Variants in SHB observed in about 807,000 individuals in gnomAD.
SHB encodes SH2 domain containing adaptor protein B.
Under a neutral mutation model 52.3 loss-of-function variants are expected in SHB, and 20 were observed. The ratio of observed to expected loss-of-function variants is 0.38; its 90% CI spans 0.27 to 0.56. The LOEUF is 0.56. Ranked by LOEUF, SHB falls within the 20% of genes least tolerant of loss-of-function variation. The pLI, the probability that SHB is intolerant of heterozygous loss-of-function variation, is 0.71. For missense variants in SHB, 825 were observed against 723.3 expected (o/e 1.14, Z -1.61); for synonymous variants, 397 against 316.5 (o/e 1.25, Z -2.70).
intron 5 of SHB, among the ~76,000 whole-genome samples, chr9:37,930,934 A>G (rs1442000196): frequency 1.3e-5 from 2 of 152,240 alleles, no homozygotes; most frequent in African/African-American, 4.8e-5. Flanking sequence ...CCAGTGAAAC[A>G]GAATAGAGAC....
intron 1 of SHB, among the ~76,000 whole-genome samples, chr9:38,018,652 T>G (rs1821247250): frequency 6.6e-6 from 1 of 152,228 alleles, no homozygotes; most frequent in African/African-American, 2.4e-5. Context: ...CCTGAAACTT[T>G]GCAAACACTA....
chr9:38,012,508 C>A (rs985861573), intron 2 of SHB, among the ~76,000 whole-genome samples: 1 of 152,064 alleles, frequency 6.6e-6, no homozygotes, highest in African/African-American at 2.4e-5. Flanking sequence ...GTTGTTATCA[C>A]CGGCCCCTCA....
chr9:38,004,843 C>G (rs997745996), intron 2 of SHB, among the ~76,000 whole-genome samples: 1 of 152,230 alleles, frequency 6.6e-6, no homozygotes, highest in Non-Finnish European at 1.5e-5. Context: ...GTGCCAGGGA[C>G]AGGATACACA....
intron 1 of SHB, among the ~76,000 whole-genome samples, chr9:38,049,373 C>G (rs981757887): frequency 1.3e-5 from 2 of 152,130 alleles, no homozygotes; most frequent in Non-Finnish European, 2.9e-5. Context: ...CTTTGGGAGG[C>G]TGAGGTGGGC....
intron 5 of SHB, among the ~76,000 whole-genome samples, chr9:37,939,968 C>T (rs1225812912): frequency 6.6e-6 from 1 of 152,188 alleles, no homozygotes; most frequent in East Asian, 1.9e-4. Flanking sequence ...GCAGGATTTA[C>T]ACTTGCTGTG....
intron 1 of SHB, among the ~76,000 whole-genome samples, chr9:38,030,868 C>T (rs1373536766): frequency 6.6e-6 from 1 of 151,954 alleles, no homozygotes; most frequent in East Asian, 1.9e-4. Context: ...ATCAGCTCCT[C>T]AATTTCCCCA....
chr9:37,963,614 G>C (rs1299203311), intron 3 of SHB, among the ~76,000 whole-genome samples: 1 of 152,194 alleles, frequency 6.6e-6, no homozygotes, highest in African/African-American at 2.4e-5. Context: ...GGACTCTGGG[G>C]TGTTGGTGAG....
chr9:38,034,326 G>A (rs1821454960), intron 1 of SHB, among the ~76,000 whole-genome samples: 1 of 152,188 alleles, frequency 6.6e-6, no homozygotes, highest in African/African-American at 2.4e-5. Context: ...GCTTCCCACA[G>A]CCAACCTGAC....
intron 2 of SHB, among the ~76,000 whole-genome samples, chr9:38,006,619 C>A (rs58984913): frequency 0.049 from 7,430 of 152,280 alleles, 411 homozygotes; most frequent in African/African-American, 0.14. Context: ...GGGTAAAATG[C>A]ACGTTTCTCT....
chr9:37,948,808 C>T, intron 4 of SHB, 54 bp from the exon 5 acceptor site: 2 of 1,605,944 alleles, frequency 1.2e-6, no homozygotes, highest in East Asian at 2.2e-5. Flanking sequence ...TTCCCATGGC[C>T]CTGACCTGCC....
intron 2 of SHB, among the ~76,000 whole-genome samples, chr9:37,989,234 C>T (rs1051409196): frequency 1.3e-5 from 2 of 152,090 alleles, no homozygotes; most frequent in African/African-American, 2.4e-5. Context: ...AAACAAAGGT[C>T]CTGCAAAGAC....
chr9:37,997,867 C>G (rs1443133877), intron 2 of SHB, among the ~76,000 whole-genome samples: 3 of 152,250 alleles, frequency 2.0e-5, no homozygotes, highest in Admixed American at 1.3e-4. Flanking sequence ...GGGCAAGTGG[C>G]AGAAAGGACA....
chr9:37,969,222 G>A (rs1184535346), intron 3 of SHB, among the ~76,000 whole-genome samples: 1 of 152,192 alleles, frequency 6.6e-6, no homozygotes, highest in Non-Finnish European at 1.5e-5. Flanking sequence ...CACCAGAGAG[G>A]CCAGACATTT....
At chr9:38,042,749 T>G (rs1366363365) in intron 1 of SHB, among the ~76,000 whole-genome samples, 1 of 152,182 alleles carries the variant, frequency 6.6e-6, no homozygotes, top group Admixed American at 6.5e-5. Flanking sequence ...TGGCCAAGCA[T>G]GGGCTTTCCT....
intron 1 of SHB, among the ~76,000 whole-genome samples, chr9:38,030,260 G>A (rs533114819): frequency 9.2e-5 from 14 of 152,306 alleles, no homozygotes; most frequent in African/African-American, 2.9e-4. Flanking sequence ...CCTGGACCAT[G>A]TACAACTTCC....
intron 5 of SHB, among the ~76,000 whole-genome samples, chr9:37,931,474 C>T (rs1832310298): frequency 6.6e-6 from 1 of 152,186 alleles, no homozygotes; most frequent in African/African-American, 2.4e-5. Context: ...AAATGGCTGA[C>T]AGGTATATGA....
intron 2 of SHB, among the ~76,000 whole-genome samples, chr9:37,981,189 T>G (rs953827056): frequency 6.6e-6 from 1 of 152,240 alleles, no homozygotes; most frequent in African/African-American, 2.4e-5. Flanking sequence ...CTTCTTCCAA[T>G]AGAAGGCTGC....
intron 3 of SHB, among the ~76,000 whole-genome samples, chr9:37,972,295 C>T (rs1820599134): frequency 6.6e-6 from 1 of 152,190 alleles, no homozygotes; most frequent in Admixed American, 6.5e-5. Flanking sequence ...CAGAGAAACA[C>T]AGCCCCTGAT....
Position 38,068,294 on chromosome 9 carries a change from T to G in SHB, c.352A>C (p.Ser118Arg), listed in dbSNP as rs1211191644. ...AMCRLDYCGG[S>R]GEPGGVQRAF... ...CGCTGGACCCCGCCTGGCTCCCCGC[T>G]GCCGCCGCAGTAGTCCAGGCGGCAC... Residue 118 changes from serine (S) to arginine (R), a missense_variant, in exon 1 of 6, where the codon AGC (serine) becomes CGC (arginine). Coordinates refer to ENST00000377707, the MANE Select transcript of SHB (RefSeq NM_003028.3). The G allele has an allele frequency of 6.7e-7, 1 of 1,484,502 alleles. No homozygotes were observed. The highest frequency in any genetic ancestry group is 3.0e-5 in the East Asian group (1 of 33,758). 92.0% of individuals were successfully genotyped at this position (1,484,502 alleles called of 1,614,324 possible).
Sources: gnomAD v4.1 joint callset for allele counts (sites outside exome capture counted in the v4.1 genomes callset) on GRCh38, gnomAD v4.1.1 for gene constraint, MANE v1.5 for transcripts, NCBI Gene and HGNC (gene_info 2026-07-23, HGNC 2026-07-21) for gene names.